ENTPD1: variants seen among roughly 807,000 people sequenced by gnomAD.
The protein encoded by ENTPD1 is ATP diphosphohydrolase.
Under a neutral mutation model 57.0 loss-of-function variants are expected in ENTPD1, and 33 were observed. That is an observed-to-expected ratio of 0.58 (90% CI 0.44 to 0.77). ENTPD1 has a LOEUF of 0.77. ENTPD1 is among the 30% of genes least tolerant of loss of function. The probability of loss-of-function intolerance (pLI) is 0.00; values close to 1 mark genes in which losing one functional copy is unlikely to be tolerated. For missense variants in ENTPD1, 501 were observed against 603.4 expected, an observed-to-expected ratio of 0.83 and a Z score of 1.78; for synonymous variants, 202 against 218.8, an observed-to-expected ratio of 0.92 and a Z score of 0.68.
intron 1 of ENTPD1, among the ~76,000 whole-genome samples, chr10:95,816,779 G>T (rs1350560257): frequency 1.3e-5 from 2 of 152,228 alleles, no homozygotes; most frequent in South Asian, 2.1e-4. Flanking sequence ...AAGCCAGCAA[G>T]TTCATGGTAA....
At chr10:95,821,483 C>T (rs2098350927) in intron 1 of ENTPD1, among the ~76,000 whole-genome samples, 1 of 152,122 alleles carries the variant, frequency 6.6e-6, no homozygotes, top group Non-Finnish European at 1.5e-5. Context: ...GTCACATGGG[C>T]CATAATTAGG....
At chr10:95,810,267 G>A (rs907896188) in intron 1 of ENTPD1, among the ~76,000 whole-genome samples, 4 of 146,196 alleles carry the variant, frequency 2.7e-5, no homozygotes, top group African/African-American at 1.0e-4. Context: ...TGGCGGCCAG[G>A]CAGAGACGCT....
At chr10:95,717,233 T>C (rs1404175810) in intron 1 of ENTPD1, among the ~76,000 whole-genome samples, 1 of 152,180 alleles carries the variant, frequency 6.6e-6, no homozygotes, top group Non-Finnish European at 1.5e-5. Flanking sequence ...CCCAAATCCT[T>C]CACCTTTTAA....
At chr10:95,699,755 A>G in the ENTPD1 span, among the ~76,000 whole-genome samples, 1 of 152,232 alleles carries the variant, frequency 6.6e-6, no homozygotes, top group African/African-American at 2.4e-5. Context: ...ATTTATAAAA[A>G]CAAAAAGTAG....
At chr10:95,783,426 A>G (rs2098165577) in intron 1 of ENTPD1, among the ~76,000 whole-genome samples, 1 of 152,188 alleles carries the variant, frequency 6.6e-6, no homozygotes, top group Non-Finnish European at 1.5e-5. Flanking sequence ...GGGGCATTTC[A>G]AAGAAAGTGG....
chr10:95,806,066 G>A (rs545886447), intron 1 of ENTPD1, among the ~76,000 whole-genome samples: 6 of 152,320 alleles, frequency 3.9e-5, no homozygotes, highest in African/African-American at 1.2e-4. Context: ...AGTTCTCCTG[G>A]ATAATATCCT....
chr10:95,737,368 C>A (rs1297886743), intron 1 of ENTPD1, among the ~76,000 whole-genome samples: 4 of 150,286 alleles, frequency 2.7e-5, no homozygotes, highest in Non-Finnish European at 5.9e-5. Flanking sequence ...GGAGAATTGA[C>A]AGTAGAAAAA....
chr10:95,755,633 A>C (rs2098020299), upstream of ENTPD1: 4 of 1,487,228 alleles, frequency 2.7e-6, no homozygotes, highest in Admixed American at 4.0e-5. Context: ...CTCCTGCAGG[A>C]AACTCATCGC....
upstream of ENTPD1, among the ~76,000 whole-genome samples, chr10:95,706,808 C>G (rs1836248771): frequency 2.0e-5 from 3 of 152,172 alleles, no homozygotes; most frequent in African/African-American, 7.2e-5. Context: ...GCTTTCAGGC[C>G]CTCCATGGCC....
In ENTPD1 at chr10:95,871,862, ACAT is replaced by A. The variant is rs764046111; in HGVS notation, c.*5482_*5484del. 3 of 985,420 alleles carry A rather than the reference ACAT, an allele frequency of 3.0e-6. No homozygotes were observed. Among genetic ancestry groups the A allele is most frequent in the Non-Finnish European group, 3.6e-6 (3 of 829,920 alleles). 61.0% of individuals were successfully genotyped at this position (985,420 alleles called of 1,614,324 possible). A position where few individuals can be genotyped will look rare whatever the true frequency, so the allele number is the denominator to read the frequency against. ...GTAAGATACTCTCATCTAAGAAATA[ACAT>A]CACCTCTTCTAATGAAGTTCTAAGA... On this transcript the variant is annotated 3_prime_UTR_variant, in exon 10 of 10. Transcript: ENST00000371205.
chr10:95,860,333 C>A, intron 7 of ENTPD1, 136 bp from the exon 8 acceptor site: 1 of 684,740 alleles, frequency 1.5e-6, no homozygotes, highest in Non-Finnish European at 2.6e-6. Flanking sequence ...AGCTCTTGGG[C>A]CTGCAATATC....
At chr10:95,756,029 CTCAG>C (rs982465264), upstream of ENTPD1, 1 of 1,468,626 alleles carries the variant, frequency 6.8e-7, no homozygotes, top group African/African-American at 1.4e-5. Flanking sequence ...TGCTGGACTC[CTCAG>C]TCAATCTGTC....
chr10:95,866,026 A>G, intron 9 of ENTPD1, 151 bp from the exon 10 acceptor site: 1 of 1,127,904 alleles, frequency 8.9e-7, no homozygotes, highest in Non-Finnish European at 1.3e-6. Flanking sequence ...TGGCCTCCCA[A>G]AGTGCTGAGA....
chr10:95,833,999 T>G (rs1309741947), intron 2 of ENTPD1, among the ~76,000 whole-genome samples: 1 of 152,116 alleles, frequency 6.6e-6, no homozygotes, highest in Non-Finnish European at 1.5e-5. Flanking sequence ...AACACATGAG[T>G]TTTGGAGGGG....
At chr10:95,828,938 C>T (rs1035239550) in intron 2 of ENTPD1, among the ~76,000 whole-genome samples, 20 of 151,972 alleles carry the variant, frequency 1.3e-4, no homozygotes, top group African/African-American at 4.6e-4. Context: ...CTTGAACTCC[C>T]GACCTCAGTT....
intron 1 of ENTPD1, among the ~76,000 whole-genome samples, chr10:95,760,686 G>C (rs994610839): frequency 1.9e-4 from 29 of 152,018 alleles, no homozygotes; most frequent in African/African-American, 6.8e-4. Context: ...TTGTTTCTCC[G>C]CTCTTTATAA....
At chr10:95,807,052 A>G (rs2140392815) in intron 1 of ENTPD1, among the ~76,000 whole-genome samples, 1 of 152,290 alleles carries the variant, frequency 6.6e-6, no homozygotes, top group Middle Eastern at 3.4e-3. Flanking sequence ...GAGCTGTCAG[A>G]CAGGGATGTT....
chr10:95,857,432 A>G (rs1299449351), intron 7 of ENTPD1, among the ~76,000 whole-genome samples: 1 of 152,228 alleles, frequency 6.6e-6, no homozygotes, highest in Non-Finnish European at 1.5e-5. Context: ...GTCTTTTGAA[A>G]TGTAACAATT....
rs1268188322 is a variant in ENTPD1, at chr10:95,871,741, C to A, written c.*5358C>A. 2.0e-6 allele frequency: 2 copies of A among 984,150 alleles called. No individual in the cohort carries two copies. The highest frequency in any genetic ancestry group is 1.7e-5 in the African/African-American group (1 of 57,184). 61.0% of individuals were successfully genotyped at this position (984,150 alleles called of 1,614,324 possible). Reference sequence around the variant, plus strand: ...ACACCATGATCAGTGATGATGATCACCCTCATCAGCACTAGAGTTGACTTG... The same window carrying A: ...ACACCATGATCAGTGATGATGATCAACCTCATCAGCACTAGAGTTGACTTG... On this transcript the variant is annotated 3_prime_UTR_variant, in exon 10 of 10. Coordinates refer to ENST00000371205, the MANE Select transcript of ENTPD1 (RefSeq NM_001776.6).
Sources: gnomAD v4.1 joint callset for allele counts (sites outside exome capture counted in the v4.1 genomes callset) on GRCh38, gnomAD v4.1.1 for gene constraint, MANE v1.5 for transcripts, NCBI Gene and HGNC (gene_info 2026-07-23, HGNC 2026-07-21) for gene names.